Variants in ERI1 observed in about 807,000 individuals in gnomAD.
ERI1 encodes 3'-5' exoribonuclease 1.
A neutral mutation model predicts 39.7 loss-of-function variants in ERI1; 39 were observed. The ratio of observed to expected loss-of-function variants is 0.98; its 90% CI spans 0.76 to 1.28. The LOEUF is 1.28. ERI1 is among the 50% of genes most tolerant of loss of function. ERI1 has a pLI of 0.00. For synonymous variants in ERI1, 204 were observed against 149.6 expected (o/e 1.36, Z -2.65); for missense variants, 581 against 416.9 (o/e 1.39, Z -3.43).
At chr8:9,052,447 G>T (rs570970950) in intron 3 of ERI1, among the ~76,000 whole-genome samples, 1 of 152,004 alleles carries the variant, frequency 6.6e-6, no homozygotes, top group Non-Finnish European at 1.5e-5. Context: ...GGTTGAACTC[G>T]CCTAGAGCAC....
At chr8:9,028,278 TC>T (rs1284333736) in intron 6 of ERI1, among the ~76,000 whole-genome samples, 2 of 152,232 alleles carry the variant, frequency 1.3e-5, no homozygotes, top group African/African-American at 4.8e-5. Context: ...ATTTTCTGTT[TC>T]TTTGTAATTC....
Position 9,016,412 on chromosome 8 carries a change from A to T in ERI1, c.582+7A>T, listed in dbSNP as rs1322494144. ...TCTAACTGGAATTACTCAGGTTATA[A>T]TTCTAAGTTCTTCTTTCTAGAGTTT... On this transcript the variant is annotated splice_region_variant and intron_variant, in intron 4 of 6. Coordinates refer to ENST00000250263, the MANE Select transcript of ERI1 (RefSeq NM_153332.4). 6.4e-7 allele frequency: 1 copy of T among 1,561,780 alleles called. No individual in the cohort carries two copies. Among genetic ancestry groups the T allele is most frequent in the African/African-American group, 1.4e-5 (1 of 73,132 alleles).
chr8:9,018,230 G>C, intron 4 of ERI1, 67 bp from the exon 5 acceptor site: 1 of 818,136 alleles, frequency 1.2e-6, no homozygotes, highest in South Asian at 1.7e-5. Context: ...ACTTAGGTCT[G>C]GGTATTTTGT....
Position 9,008,006 on chromosome 8 carries a change from A to G in ERI1, c.145A>G (p.Lys49Glu), listed in dbSNP as rs1816221782. The change falls in exon 2 of 7, where the codon AAA (lysine) becomes GAA (glutamate). Residue 49 changes from lysine to glutamate, a missense_variant. Coordinates refer to ENST00000250263, the MANE Select transcript of ERI1 (RefSeq NM_153332.4). ...GTGTAAATTTGATGGCCAGGAGACAAAAGGATCCAAGTTCATTACCTCCAG... is the reference window on the plus strand; with the variant it reads ...GTGTAAATTTGATGGCCAGGAGACAGAAGGATCCAAGTTCATTACCTCCAG... ...QQCKFDGQETKGSKFITSSAS... is the reference protein window; with the variant it reads ...QQCKFDGQETEGSKFITSSAS... 1 of 1,598,032 alleles carries G rather than the reference A, an allele frequency of 6.3e-7. No individual in the cohort carries two copies. Among genetic ancestry groups the G allele is most frequent in the Non-Finnish European group, 8.5e-7 (1 of 1,176,252 alleles).
chr8:9,048,422 TTAA>T (rs2117365530), intron 3 of ERI1: 1 of 154,530 alleles, frequency 6.5e-6, no homozygotes, highest in African/African-American at 2.4e-5. Flanking sequence ...AAAAACGTCC[TTAA>T]GAAGAAGAAA....
At chr8:9,011,306 C>T (rs958280360) in intron 2 of ERI1, among the ~76,000 whole-genome samples, 1 of 152,052 alleles carries the variant, frequency 6.6e-6, no homozygotes, top group Admixed American at 6.6e-5. Context: ...CTGTTATATA[C>T]TACTAAAATA....
intron 3 of ERI1, among the ~76,000 whole-genome samples, chr8:9,062,453 G>A (rs1359236466): frequency 6.6e-6 from 1 of 150,818 alleles, no homozygotes; most frequent in Non-Finnish European, 1.5e-5. Context: ...AAAAAAGAGT[G>A]CAAAAAAGAA....
chr8:9,081,197 T>G (rs191995963), intron 3 of ERI1, among the ~76,000 whole-genome samples: 6 of 152,298 alleles, frequency 3.9e-5, no homozygotes, highest in Admixed American at 3.9e-4. Context: ...ACCCATGTGA[T>G]CCAATCACCT....
intron 2 of ERI1, chr8:9,009,042 T>C (rs879368362): frequency 2.2e-6 from 1 of 456,322 alleles, no homozygotes; most frequent in Non-Finnish European, 4.4e-6. Context: ...GTACAACTTG[T>C]AGCCTACAGA....
chr8:9,029,395 C>A (rs1283713012), intron 6 of ERI1, among the ~76,000 whole-genome samples: 1 of 152,122 alleles, frequency 6.6e-6, no homozygotes, highest in African/African-American at 2.4e-5. Flanking sequence ...TTGGCATGAT[C>A]TCAGCTCGCT....
At chr8:9,025,779 C>A (rs757652621) in intron 6 of ERI1, among the ~76,000 whole-genome samples, 3 of 150,652 alleles carry the variant, frequency 2.0e-5, no homozygotes, top group Admixed American at 1.3e-4. Flanking sequence ...ATGATTGGGA[C>A]CAGAAGAAAT....
chr8:9,008,231 C>A (rs1816254254), intron 2 of ERI1, 83 bp downstream of exon 2: 3 of 1,173,010 alleles, frequency 2.6e-6, no homozygotes, highest in African/African-American at 1.6e-5. Flanking sequence ...TATTAAAAAT[C>A]ATCTGTAATC....
chr8:9,005,195 G>A (rs1815853890), intron 1 of ERI1, among the ~76,000 whole-genome samples: 2 of 152,122 alleles, frequency 1.3e-5, no homozygotes, highest in Admixed American at 1.3e-4. Context: ...TCAGTGTGCA[G>A]ATGCAGAGGT....
intron 1 of ERI1, among the ~76,000 whole-genome samples, chr8:9,005,829 G>T (rs1157412003): frequency 2.0e-5 from 3 of 152,198 alleles, no homozygotes; most frequent in Admixed American, 2.0e-4. Flanking sequence ...CCACAAGATA[G>T]TAAACCTCTG....
At chr8:9,004,389 T>A (rs1348713760) in intron 1 of ERI1, 1 of 704,096 alleles carries the variant, frequency 1.4e-6, no homozygotes, top group Admixed American at 5.0e-5. Flanking sequence ...CTTGACACTT[T>A]TACAGCTACT....
chr8:9,011,461 A>G, intron 2 of ERI1, 81 bp from the exon 3 acceptor site: 1 of 868,024 alleles, frequency 1.2e-6, no homozygotes, highest in Non-Finnish European at 1.7e-6. Flanking sequence ...GTCAGTGTTC[A>G]GCCCAGTGCC....
At chr8:9,004,294 C>A in intron 1 of ERI1, 1 of 1,135,884 alleles carries the variant, frequency 8.8e-7, no homozygotes, top group Non-Finnish European at 1.1e-6. Flanking sequence ...TCAATCTCAT[C>A]CTGTAAGTGG....
Position 9,016,338 on chromosome 8 carries a change from A to C in ERI1, c.515A>C (p.Gln172Pro). The C allele has an allele frequency of 6.2e-7, 1 of 1,603,710 alleles. No homozygotes were observed. Among genetic ancestry groups the C allele is most frequent in the Non-Finnish European group, 8.5e-7 (1 of 1,174,768 alleles). Residue 172 changes from glutamine (Q) to proline (P), a missense_variant, in exon 4 of 7, where the codon CAG becomes CCG. Coordinates refer to ENST00000250263, the MANE Select transcript of ERI1 (RefSeq NM_153332.4). ...CCCTTGCAGGAAGACACGTTTCAGC[A>C]GTATGTAAGACCAGAGATTAACACA... ...HTLEIEDTFQQYVRPEINTQL... is the reference protein window; with the variant it reads ...HTLEIEDTFQPYVRPEINTQL...
intron 3 of ERI1, among the ~76,000 whole-genome samples, chr8:9,073,921 T>G (rs920913506): frequency 6.6e-6 from 1 of 152,156 alleles, no homozygotes; most frequent in Non-Finnish European, 1.5e-5. Context: ...CATTGTACTT[T>G]ACAAAAATTT....
Sources: gnomAD v4.1 joint callset for allele counts (sites outside exome capture counted in the v4.1 genomes callset) on GRCh38, gnomAD v4.1.1 for gene constraint, MANE v1.5 for transcripts, NCBI Gene and HGNC (gene_info 2026-07-23, HGNC 2026-07-21) for gene names.